MAST2: variants seen among roughly 807,000 people sequenced by gnomAD.
MAST2 encodes the protein microtubule associated serine/threonine kinase 2.
A neutral mutation model predicts 147.4 loss-of-function variants in MAST2; 70 were observed. That is an observed-to-expected ratio of 0.47 (90% confidence interval 0.39 to 0.58). MAST2 has a LOEUF of 0.58. Ranked by LOEUF, MAST2 falls within the 20% of genes least tolerant of loss-of-function variation. The pLI, the probability that MAST2 is intolerant of heterozygous loss-of-function variation, is 0.00. For missense variants in MAST2, 2,080 were observed against 2,302.3 expected, an observed-to-expected ratio of 0.90 and a Z score of 1.98; for synonymous variants, 869 against 896.8, an observed-to-expected ratio of 0.97 and a Z score of 0.55.
chr1:45,849,330 C>T (rs1042896579), intron 3 of MAST2, among the ~76,000 whole-genome samples: 1 of 152,104 alleles, frequency 6.6e-6, no homozygotes, highest in African/African-American at 2.4e-5. Flanking sequence ...CAACTTCAAA[C>T]TGTACTATAG....
At chr1:45,939,926 A>G (rs1570827661) in intron 4 of MAST2, among the ~76,000 whole-genome samples, 1 of 150,886 alleles carries the variant, frequency 6.6e-6, no homozygotes. Context: ...GAGAATTGCC[A>G]TCTCAACAAC....
Position 46,034,148 on chromosome 1 carries a change from C to A in MAST2, c.3750C>A (p.Ser1250=). 1 of 1,614,182 alleles carries A rather than the reference C, an allele frequency of 6.2e-7. No individual in the cohort carries two copies. Among genetic ancestry groups the A allele is most frequent in the Non-Finnish European group, 8.5e-7 (1 of 1,180,028 alleles). ...TCCACACCAGCCGCAGCCTTTCTTC[C>A]CTTAACCGCTCCTTGTCATCAGGGG... ...SLLHTSRSLS[S]LNRSLSSGES... The change falls in exon 28 of 29, where the codon TCC becomes TCA. Residue 1250 remains serine (S), a synonymous_variant. Coordinates refer to ENST00000361297, the MANE Select transcript of MAST2 (RefSeq NM_015112.3).
At chr1:45,995,143 A>G (rs1489847544) in intron 5 of MAST2, among the ~76,000 whole-genome samples, 1 of 151,980 alleles carries the variant, frequency 6.6e-6, no homozygotes, top group Non-Finnish European at 1.5e-5. Context: ...CCTGGCCCAT[A>G]TCTTCCATAA....
intron 4 of MAST2, among the ~76,000 whole-genome samples, chr1:45,921,349 T>C (rs1298079184): frequency 6.6e-6 from 1 of 152,134 alleles, no homozygotes. Flanking sequence ...GAGGTGTTGC[T>C]TTTCTAGCTA....
Position 46,025,423 on chromosome 1 carries a change from C to T in MAST2, c.1781-254C>T, listed in dbSNP as rs183701455. On this transcript the variant is annotated intron_variant, in intron 15 of 28. Transcript: ENST00000361297. ...ACTTCCATGATTCAGTTATCTCCCT[C>T]CAGGTCCCTTCCCACAACACATGGG... Among the ~76,000 whole-genome samples, 719 of 152,328 alleles carry T rather than the reference C, an allele frequency of 4.7e-3. 3 individuals carry two copies. Among genetic ancestry groups the T allele is most frequent in the Non-Finnish European group, 7.3e-3 (499 of 68,020 alleles).
At chr1:45,884,565 A>G (rs932256685) in intron 4 of MAST2, among the ~76,000 whole-genome samples, 9 of 152,064 alleles carry the variant, frequency 5.9e-5, no homozygotes, top group Admixed American at 5.9e-4. Flanking sequence ...ATAAATAAAT[A>G]AATAAATAAA....
chr1:45,917,834 T>C (rs1652816539), intron 4 of MAST2, among the ~76,000 whole-genome samples: 1 of 152,118 alleles, frequency 6.6e-6, no homozygotes, highest in Middle Eastern at 3.2e-3. Flanking sequence ...CTAGAACTCT[T>C]AGGAGGTAAA....
intron 4 of MAST2, among the ~76,000 whole-genome samples, chr1:45,918,716 G>A (rs11211224): frequency 0.45 from 67,749 of 151,850 alleles, 15,292 homozygotes; most frequent in East Asian, 0.63. Context: ...GGGATTACAG[G>A]CATGAGCCAC....
intron 3 of MAST2, among the ~76,000 whole-genome samples, chr1:45,832,230 A>G (rs1644980098): frequency 6.6e-6 from 1 of 151,936 alleles, no homozygotes; most frequent in Non-Finnish European, 1.5e-5. Flanking sequence ...GGATGAGTGT[A>G]CCCTCCTAGA....
At chr1:45,967,598 C>A (rs894922281) in intron 5 of MAST2, among the ~76,000 whole-genome samples, 1 of 152,104 alleles carries the variant, frequency 6.6e-6, no homozygotes, top group Non-Finnish European at 1.5e-5. Flanking sequence ...TAAAGGTCTT[C>A]GCCTCATCAT....
At chr1:45,847,415 G>C in intron 3 of MAST2, 1 of 544,408 alleles carries the variant, frequency 1.8e-6, no homozygotes, top group Non-Finnish European at 3.5e-6. Context: ...TCTTTTTTTG[G>C]GGGGGATCAA....
intron 4 of MAST2, among the ~76,000 whole-genome samples, chr1:45,924,017 A>G (rs893539493): frequency 1.3e-5 from 2 of 152,004 alleles, no homozygotes; most frequent in Non-Finnish European, 2.9e-5. Context: ...GATTACAGAC[A>G]CCCGCCACCA....
chr1:45,892,867 A>G (rs1219817499), intron 4 of MAST2, among the ~76,000 whole-genome samples: 2 of 152,246 alleles, frequency 1.3e-5, no homozygotes, highest in African/African-American at 4.8e-5. Flanking sequence ...AACTTATAGC[A>G]AACTGTAAGA....
Position 46,029,889 on chromosome 1 carries a change from T to G in MAST2, c.2379T>G (p.Leu793=), listed in dbSNP as rs1646570011. The G allele has an allele frequency of 6.2e-7, 1 of 1,614,110 alleles. No individual in the cohort carries two copies. The highest frequency in any genetic ancestry group is 1.3e-5 in the African/African-American group (1 of 74,938). ...TTACTGGTCTGGACTGGACAGGACT[T>G]CTCCGCCAGAAGGCTGAATTTATTC... The part of the protein sequence containing the change: ...PFFTGLDWTG[L]LRQKAEFIPQ... The change falls in exon 20 of 29, where the codon CTT becomes CTG. Residue 793 remains leucine (L), a synonymous_variant. Transcript: ENST00000361297.
intron 4 of MAST2, among the ~76,000 whole-genome samples, chr1:45,902,255 T>C (rs968950167): frequency 6.6e-6 from 1 of 152,192 alleles, no homozygotes; most frequent in Non-Finnish European, 1.5e-5. Context: ...TGGTTTTTGT[T>C]TTTTATTCTG....
chr1:45,884,982 G>A (rs1647019387), intron 4 of MAST2, among the ~76,000 whole-genome samples: 1 of 152,056 alleles, frequency 6.6e-6, no homozygotes. Context: ...TGCAGTAGGA[G>A]GCAAAGTACT....
intron 4 of MAST2, among the ~76,000 whole-genome samples, chr1:45,902,006 C>T (rs1431509615): frequency 6.6e-6 from 1 of 152,100 alleles, no homozygotes; most frequent in East Asian, 1.9e-4. Context: ...CTACCACTTC[C>T]AGTACTATGT....
chr1:46,027,766 C>T lies in MAST2; in HGVS notation c.1955C>T (p.Thr652Met), dbSNP rs1188418032. ...LITSMGHIKL[T>M]DFGLSKIGLM... ...ACATCCATGGGGCACATCAAGCTCA[C>T]GGACTTTGGACTGTCCAAAATTGGC... Residue 652 changes from threonine (T) to methionine (M), a missense_variant, in exon 17 of 29, where the codon ACG becomes ATG. Physicochemically the swap from Thr to Met is moderately conservative, Grantham distance 81. Around this residue, in one of 4 missense-constraint regions of MAST2, gnomAD observed 209 missense variants for 309.5 expected, o/e 0.68. Coordinates refer to ENST00000361297, the MANE Select transcript of MAST2 (RefSeq NM_015112.3). 4.3e-6 allele frequency: 7 copies of T among 1,613,568 alleles called. No homozygotes were observed. The highest frequency in any genetic ancestry group is 5.1e-6 in the Non-Finnish European group (6 of 1,179,786).
intron 5 of MAST2, among the ~76,000 whole-genome samples, chr1:45,970,667 C>CAAAAGAA (rs1643879122): frequency 1.4e-5 from 1 of 72,432 alleles, no homozygotes; most frequent in African/African-American, 5.9e-5. Flanking sequence ...GACTCTGTCT[C>CAAAAGAA]AAAAAAAAAA....
Sources: allele counts gnomAD v4.1 joint callset (sites outside exome capture counted in the v4.1 genomes callset), GRCh38; gene constraint gnomAD v4.1.1; regional missense constraint gnomAD v4.1.1; transcripts MANE v1.5; gene names NCBI Gene and HGNC (gene_info 2026-07-23, HGNC 2026-07-21).